MBTPS1: variants seen among roughly 807,000 people sequenced by gnomAD.
MBTPS1 encodes the protein membrane-bound transcription factor site-1 protease.
A neutral mutation model predicts 127.8 loss-of-function variants in MBTPS1; 94 were observed. That is an observed-to-expected ratio of 0.74 (90% CI 0.62 to 0.87). The LOEUF is 0.87. Among genes scored for constraint, MBTPS1 ranks in the 40% least tolerant of loss-of-function variants. The pLI, the probability that MBTPS1 is intolerant of heterozygous loss-of-function variation, is 0.00. For missense variants in MBTPS1, 1,636 were observed against 1,353.2 expected (o/e 1.21, Z -3.28); for synonymous variants, 632 against 509.4 (o/e 1.24, Z -3.24).
At position 84,067,747 on chromosome 16, in the gene MBTPS1, G is replaced by C. The variant is rs772994220; in HGVS notation, c.2148C>G (p.Asn716Lys). 7 of 1,613,808 alleles carry C rather than the reference G, an allele frequency of 4.3e-6. No individual in the cohort carries two copies. Among genetic ancestry groups the C allele is most frequent in the Non-Finnish European group, 5.9e-6 (7 of 1,179,786 alleles). Residue 716 changes from asparagine to lysine, a missense_variant, in exon 16 of 23, where the codon AAC becomes AAG. By Grantham distance (94) the Asn-to-Lys change is moderately conservative. Coordinates refer to ENST00000343411, the MANE Select transcript of MBTPS1 (RefSeq NM_003791.4). Reference protein sequence around the residue: ...EIAKLRRDVDNGLSLVIFSDW... With the variant: ...EIAKLRRDVDKGLSLVIFSDW... ...CACTGAAGATGACGAGCGAGAGGCCGTTGTCCACGTCCCTCCGGAGCTTGG... is the reference window on the plus strand; with the variant it reads ...CACTGAAGATGACGAGCGAGAGGCCCTTGTCCACGTCCCTCCGGAGCTTGG...
At chr16:84,099,878 G>C (rs1353510400) in intron 2 of MBTPS1, among the ~76,000 whole-genome samples, 1 of 151,710 alleles carries the variant, frequency 6.6e-6, no homozygotes, top group African/African-American at 2.4e-5. Flanking sequence ...AATACCTACA[G>C]AAGTTTGAAT....
At chr16:84,058,335 T>C (rs2085550682) in intron 21 of MBTPS1, among the ~76,000 whole-genome samples, 1 of 152,196 alleles carries the variant, frequency 6.6e-6, no homozygotes, top group Non-Finnish European at 1.5e-5. Flanking sequence ...GAAGGTGGCC[T>C]CCGTCCCTGG....
In MBTPS1 at chr16:84,063,208, G is replaced by A. The variant is rs540173110; in HGVS notation, c.2572+97C>T. ...AGCCTGGCTCAAGTGAACAGATGTCGGCTGATCTGCCAGCATCTCACGGGC... is the reference window on the plus strand; with the variant it reads ...AGCCTGGCTCAAGTGAACAGATGTCAGCTGATCTGCCAGCATCTCACGGGC... On this transcript the variant is annotated intron_variant, in intron 19 of 22. Transcript: ENST00000343411. 5.0e-5 allele frequency: 66 copies of A among 1,314,928 alleles called. No homozygotes were observed. In the East Asian group the frequency reaches 7.7e-4, roughly 15 times the overall value. 81.5% of individuals were successfully genotyped at this position (1,314,928 alleles called of 1,614,324 possible).
intron 8 of MBTPS1, among the ~76,000 whole-genome samples, chr16:84,089,320 A>G (rs2086072359): frequency 6.6e-6 from 1 of 152,260 alleles, no homozygotes; most frequent in South Asian, 2.1e-4. Context: ...GTTCATTTAC[A>G]CATATATCAC....
chr16:84,103,795 A>G (rs1014013049), intron 1 of MBTPS1, among the ~76,000 whole-genome samples: 1 of 152,184 alleles, frequency 6.6e-6, no homozygotes, highest in African/African-American at 2.4e-5. Context: ...TGTACTAACA[A>G]CTGATCCTGA....
chr16:84,078,842 C>A (rs1296386448), intron 11 of MBTPS1, among the ~76,000 whole-genome samples: 1 of 152,134 alleles, frequency 6.6e-6, no homozygotes, highest in Admixed American at 6.5e-5. Flanking sequence ...GTGGTGGGGG[C>A]AGGGGGAAGG....
chr16:84,090,542 C>G (rs1346217880), intron 8 of MBTPS1, among the ~76,000 whole-genome samples: 1 of 152,124 alleles, frequency 6.6e-6, no homozygotes, highest in African/African-American at 2.4e-5. Flanking sequence ...CTGCAGAATC[C>G]CTAATAGATT....
intron 11 of MBTPS1, among the ~76,000 whole-genome samples, chr16:84,080,877 C>T (rs954038142): frequency 1.3e-5 from 2 of 152,222 alleles, no homozygotes; most frequent in East Asian, 1.9e-4. Context: ...CCTAGCTTGA[C>T]GTCTGCTTCT....
In MBTPS1 at chr16:84,095,670, A is replaced by T; in HGVS notation, c.557T>A (p.Leu186Gln). 1 of 1,614,210 alleles carries T rather than the reference A, an allele frequency of 6.2e-7. No individual in the cohort carries two copies. Among genetic ancestry groups the T allele is most frequent in the Non-Finnish European group, 8.5e-7 (1 of 1,180,014 alleles). The change falls in exon 4 of 23, where the codon CTG (leucine) becomes CAG (glutamine). Residue 186 changes from leucine (L) to glutamine (Q), a missense_variant. By Grantham distance (113) the Leu-to-Gln change is moderately radical. Transcript: ENST00000343411. ...GGCAACCTGGCGCGGGATGGCTCTC[A>T]GCAGCCGTCTGCTCGAATGCCTTCC... ...ATGRHSSRRL[L>Q]RAIPRQVAQT...
intron 22 of MBTPS1, among the ~76,000 whole-genome samples, chr16:84,055,349 G>A (rs933585335): frequency 1.3e-5 from 2 of 152,198 alleles, no homozygotes; most frequent in African/African-American, 2.4e-5. Flanking sequence ...GGAACCCAGA[G>A]AAACTCCTCT....
chr16:84,080,249 A>G (rs1266555895), intron 11 of MBTPS1, among the ~76,000 whole-genome samples: 1 of 152,268 alleles, frequency 6.6e-6, no homozygotes, highest in Admixed American at 6.5e-5. Flanking sequence ...CAGAAAGGAC[A>G]GCTCTTCCTT....
At chr16:84,103,848 C>T (rs148970030) in intron 1 of MBTPS1, among the ~76,000 whole-genome samples, 124 of 152,232 alleles carry the variant, frequency 8.1e-4, no homozygotes, top group African/African-American at 2.8e-3. Context: ...AACTAAGGGG[C>T]GTGGAACTCA....
At chr16:84,108,574 A>T (rs1421440425) in intron 1 of MBTPS1, among the ~76,000 whole-genome samples, 1 of 152,182 alleles carries the variant, frequency 6.6e-6, no homozygotes, top group African/African-American at 2.4e-5. Context: ...GCCCAAGAAA[A>T]GCACTTTCTA....
At chr16:84,113,557 G>C (rs1049830425) in intron 1 of MBTPS1, among the ~76,000 whole-genome samples, 2 of 152,242 alleles carry the variant, frequency 1.3e-5, no homozygotes, top group African/African-American at 4.8e-5. Context: ...CTGGTGGCTA[G>C]CATTCTTTGC....
At chr16:84,098,481 A>G (rs2086209165) in intron 3 of MBTPS1, among the ~76,000 whole-genome samples, 1 of 152,102 alleles carries the variant, frequency 6.6e-6, no homozygotes, top group African/African-American at 2.4e-5. Flanking sequence ...ATGGTGGCGC[A>G]TGCCTGTAAT....
intron 12 of MBTPS1, among the ~76,000 whole-genome samples, chr16:84,071,191 C>CACAGTAACATG (rs1194191912): frequency 6.6e-6 from 1 of 152,208 alleles, no homozygotes; most frequent in African/African-American, 2.4e-5. Flanking sequence ...ATGACAGGGA[C>CACAGTAACATG]ACCAGCTGTC....
chr16:84,114,339 G>C (rs1197633332), intron 1 of MBTPS1, among the ~76,000 whole-genome samples: 2 of 152,196 alleles, frequency 1.3e-5, no homozygotes, highest in South Asian at 2.1e-4. Flanking sequence ...AGGTGGTCTT[G>C]TATTAAAAAG....
chr16:84,092,727 G>A (rs2086126150), intron 6 of MBTPS1, among the ~76,000 whole-genome samples: 1 of 152,188 alleles, frequency 6.6e-6, no homozygotes, highest in Admixed American at 6.5e-5. Flanking sequence ...GAAGAGTGAA[G>A]GAACAAGGCT....
Position 84,076,310 on chromosome 16 carries a change from C to T in MBTPS1, c.1449-1569G>A, listed in dbSNP as rs78658370. Reference sequence around the variant, plus strand: ...ATATATACATATATATATAGATATACACACCTTAGGGATAAATCCAGCATC... The same window carrying T: ...ATATATACATATATATATAGATATATACACCTTAGGGATAAATCCAGCATC... On this transcript the variant is annotated intron_variant, in intron 11 of 22. Coordinates refer to ENST00000343411, the MANE Select transcript of MBTPS1 (RefSeq NM_003791.4). Among the ~76,000 whole-genome samples the T allele has an allele frequency of 8.6e-3, 1,301 of 152,070 alleles. 7 individuals carry two copies. Among genetic ancestry groups the T allele is most frequent in the Non-Finnish European group, 0.014 (979 of 68,004 alleles).
Sources: gnomAD v4.1 joint callset for allele counts (sites outside exome capture counted in the v4.1 genomes callset) on GRCh38, gnomAD v4.1.1 for gene constraint, MANE v1.5 for transcripts, NCBI Gene and HGNC (gene_info 2026-07-23, HGNC 2026-07-21) for gene names.